The following PTCH2 variants were observed in gnomAD, a reference collection of about 807,000 sequenced individuals.
The protein encoded by PTCH2 is protein patched homolog 2.
Under a neutral mutation model 117.9 loss-of-function variants are expected in PTCH2, and 96 were observed. The ratio of observed to expected loss-of-function variants is 0.81; its 90% confidence interval spans 0.69 to 0.96. The LOEUF is 0.96. PTCH2 is among the 50% of genes least tolerant of loss of function. PTCH2 has a pLI of 0.00. For missense variants in PTCH2, 1,379 were observed against 1,562.5 expected, an observed-to-expected ratio of 0.88 and a Z score of 1.98; for synonymous variants, 615 against 660.9, an observed-to-expected ratio of 0.93 and a Z score of 1.06.
At chr1:44,835,504 A>T (rs532416123) in intron 2 of PTCH2, among the ~76,000 whole-genome samples, 54 of 152,296 alleles carry the variant, frequency 3.5e-4, no homozygotes, top group African/African-American at 1.3e-3. Flanking sequence ...AATTGATGGC[A>T]CTCGTTGCTG....
intron 2 of PTCH2, among the ~76,000 whole-genome samples, chr1:44,839,071 C>T (rs965063893): frequency 2.0e-5 from 3 of 151,788 alleles, no homozygotes; most frequent in Non-Finnish European, 2.9e-5. Flanking sequence ...CAGTGAGACT[C>T]CATCTCTATG....
In PTCH2 at chr1:44,829,681, T is replaced by G. The variant is rs561823980; in HGVS notation, c.1016A>C (p.His339Pro). ...CTGCTCCTCACTCCAGCCAATGTCA[T>G]GTGTCTGATAGTCACCCCGGAAATG... Reference protein sequence around the residue: ...YEHFRGDYQTHDIGWSEEQAS... With the variant: ...YEHFRGDYQTPDIGWSEEQAS... Residue 339 changes from histidine to proline, a missense_variant, in exon 8 of 22, where the codon CAT (histidine) becomes CCT (proline). By Grantham distance (77) the His-to-Pro change is moderately conservative. Transcript: ENST00000372192. The G allele has an allele frequency of 6.2e-7, 1 of 1,614,082 alleles. No homozygotes were observed. The highest frequency in any genetic ancestry group is 1.3e-5 in the African/African-American group (1 of 74,934).
Position 44,843,104 on chromosome 1 carries a change from G to A in PTCH2, c.-172C>T. ...TGGGTGTTAAAGCGGCTGGGAGGGA[G>A]GAGTGCAGGGAGCTGCGGGTCCGGG... is the stretch of plus-strand genomic sequence containing the variant. On this transcript the variant is annotated 5_prime_UTR_variant, in exon 1 of 22. Transcript: ENST00000372192. 7.4e-7 allele frequency: 1 copy of A among 1,354,400 alleles called. No individual in the cohort carries two copies. Among genetic ancestry groups the A allele is most frequent in the South Asian group, 1.9e-5 (1 of 53,996 alleles). 83.9% of individuals were successfully genotyped at this position (1,354,400 alleles called of 1,614,324 possible).
chr1:44,833,783 AGGTG>A (rs1653565716), intron 2 of PTCH2, among the ~76,000 whole-genome samples: 1 of 151,460 alleles, frequency 6.6e-6, no homozygotes, highest in South Asian at 2.1e-4. Context: ...TTTTTAGTAC[AGGTG>A]GGGTTTCACG....
At chr1:44,820,000 T>C (rs759096648), downstream of PTCH2, 1 of 157,480 alleles carries the variant, frequency 6.4e-6, no homozygotes, top group South Asian at 1.5e-4. Flanking sequence ...CCGAGTATAT[T>C]CGTGACTTCC....
At chr1:44,819,970 T>TA (rs1652841686), downstream of PTCH2, 1 of 154,192 alleles carries the variant, frequency 6.5e-6, no homozygotes, top group African/African-American at 2.4e-5. Context: ...GCGAAAGATT[T>TA]ATGCGCTTTG....
chr1:44,820,311 C>G (rs546590868), downstream of PTCH2: 12 of 487,458 alleles, frequency 2.5e-5, no homozygotes, highest in Admixed American at 2.8e-4. Flanking sequence ...CTCCTGGGAC[C>G]CGCACCCCGT....
chr1:44,821,831 G>A, downstream of PTCH2: 1 of 1,364,160 alleles, frequency 7.3e-7, no homozygotes, highest in Non-Finnish European at 9.8e-7. Flanking sequence ...CAGAACTAGA[G>A]AAGCTAATAC....
chr1:44,831,227 T>G lies in PTCH2; in HGVS notation c.618-184A>C, dbSNP rs562469833. On this transcript the variant is annotated intron_variant, in intron 5 of 21. Transcript: ENST00000372192. The surrounding 1 kb of genome is among the most constrained non-coding windows in gnomAD (Gnocchi z 4.3). ...GCATGGGCCCACCAGGGTGCTACAG[T>G]GAGCTGTAGAAGAGTACAAGGGGCT... Among the ~76,000 whole-genome samples the G allele has an allele frequency of 7.2e-4, 110 of 152,272 alleles. No homozygotes were observed. The highest frequency in any genetic ancestry group is 2.6e-3 in the African/African-American group (106 of 41,556).
downstream of PTCH2, chr1:44,820,657 T>G (rs11573603): frequency 0.018 from 12,690 of 714,864 alleles, 141 homozygotes; most frequent in Non-Finnish European, 0.023. Flanking sequence ...TCCGTGTGTC[T>G]GATGAGGGGG....
intron 2 of PTCH2, among the ~76,000 whole-genome samples, chr1:44,839,941 G>A (rs1051005496): frequency 6.6e-6 from 1 of 151,914 alleles, no homozygotes; most frequent in Non-Finnish European, 1.5e-5. Flanking sequence ...ATAACTCGAG[G>A]GTGTGAGACT....
chr1:44,827,278 A>T lies in PTCH2; in HGVS notation c.2403T>A (p.Ala801=). Residue 801 remains alanine, a synonymous_variant, in exon 16 of 22, where the codon GCT becomes GCA. Transcript: ENST00000372192. The part of the protein sequence containing the change: ...GIQAAFDQDW[A]SGRITRHSYR... ...ACGAGTGGCGGGTGATGCGCCCAGA[A>T]GCCCAGTCCTGGTCAAAGGCAGCCT... is the stretch of plus-strand genomic sequence containing the variant. The T allele has an allele frequency of 6.2e-7, 1 of 1,613,996 alleles. No individual in the cohort carries two copies. Among genetic ancestry groups the T allele is most frequent in the Non-Finnish European group, 8.5e-7 (1 of 1,180,018 alleles).
At chr1:44,839,224 A>C (rs1364528253) in intron 2 of PTCH2, among the ~76,000 whole-genome samples, 9 of 151,950 alleles carry the variant, frequency 5.9e-5, no homozygotes, top group African/African-American at 2.2e-4. Flanking sequence ...AATACAAAAA[A>C]ATTAGCCGGG....
At chr1:44,837,860 C>T (rs899161830) in intron 2 of PTCH2, among the ~76,000 whole-genome samples, 4 of 151,422 alleles carry the variant, frequency 2.6e-5, no homozygotes, top group Middle Eastern at 3.4e-3. Context: ...GGGCGGATCA[C>T]GAGGTCAGGA....
Position 44,837,121 on chromosome 1 carries a change from C to T in PTCH2, c.265+4726G>A, listed in dbSNP as rs116069410. ...GTCCTTGCTAATGTCCTTGGGCTGC[C>T]GAATTAACTGAATTAACCAGGCTTC... On this transcript the variant is annotated intron_variant, in intron 2 of 21. Coordinates refer to ENST00000372192, the MANE Select transcript of PTCH2 (RefSeq NM_003738.5). Among the ~76,000 whole-genome samples the T allele has an allele frequency of 6.2e-3, 946 of 152,230 alleles. 11 individuals are homozygous for T. Among genetic ancestry groups the T allele is most frequent in the African/African-American group, 0.022 (901 of 41,540 alleles).
Position 44,822,968 on chromosome 1 carries a change from G to A in PTCH2, c.3357+101C>T, listed in dbSNP as rs1324153073. On this transcript the variant is annotated intron_variant, in intron 21 of 21. Coordinates refer to ENST00000372192, the MANE Select transcript of PTCH2 (RefSeq NM_003738.5). ...TTCAGCTGGTGGCACCTGTTGGGGA[G>A]GTACCTGTCTGTGGGCCACAGGGCT... 3.5e-5 allele frequency: 46 copies of A among 1,328,168 alleles called. No individual in the cohort carries two copies. The East Asian group carries it at 1.0e-3, about 30-fold the overall frequency. 82.3% of individuals were successfully genotyped at this position (1,328,168 alleles called of 1,614,324 possible).
chr1:44,826,820 C>T lies in PTCH2; in HGVS notation c.2696-52G>A, dbSNP rs766507759. 13 of 1,608,760 alleles carry T rather than the reference C, an allele frequency of 8.1e-6. No homozygotes were observed. Among genetic ancestry groups the T allele is most frequent in the Admixed American group, 6.7e-5 (4 of 59,886 alleles). On this transcript the variant is annotated intron_variant, in intron 17 of 21. Coordinates refer to ENST00000372192, the MANE Select transcript of PTCH2 (RefSeq NM_003738.5). The surrounding 1 kb of genome is among the most constrained non-coding windows in gnomAD (Gnocchi z 5.1). ...AGGGAGAGGGACAGGGCGGTGAGCA[C>T]GGGGCAGAGTGGGCAGGGCCTCAGG...
chr1:44,830,074 G>C, intron 6 of PTCH2, 44 bp from the exon 7 acceptor site: 1 of 1,608,746 alleles, frequency 6.2e-7, no homozygotes, highest in East Asian at 2.2e-5. Context: ...CCCTGGCCGT[G>C]GATAACTGAG....
At chr1:44,825,487 A>G (rs1653103712) in intron 19 of PTCH2, among the ~76,000 whole-genome samples, 1 of 151,690 alleles carries the variant, frequency 6.6e-6, no homozygotes, top group Admixed American at 6.6e-5. Flanking sequence ...GAGGTAAAAA[A>G]CTGTATTGCT....
Sources: allele counts gnomAD v4.1 joint callset (sites outside exome capture counted in the v4.1 genomes callset), GRCh38; gene constraint gnomAD v4.1.1; non-coding constraint Gnocchi (gnomAD v3.1); transcripts MANE v1.5; gene names NCBI Gene and HGNC (gene_info 2026-07-23, HGNC 2026-07-21).